Variants in TUBA1C observed in about 807,000 individuals in gnomAD.
TUBA1C encodes tubulin alpha-1C chain.
TUBA1C carries 16 observed loss-of-function variants against 34.9 expected under a neutral mutation model. That is an observed-to-expected ratio of 0.46 (90% CI 0.31 to 0.70). The LOEUF is 0.70. Ranked by LOEUF, TUBA1C falls within the 30% of genes least tolerant of loss-of-function variation. TUBA1C has a pLI of 0.05. For missense variants in TUBA1C, 329 were observed against 587.3 expected, an observed-to-expected ratio of 0.56 and a Z score of 4.55; for synonymous variants, 177 against 215.9, an observed-to-expected ratio of 0.82 and a Z score of 1.58.
chr12:49,265,820 G>A (rs1446806722), intron 1 of TUBA1C, among the ~76,000 whole-genome samples: 5 of 152,174 alleles, frequency 3.3e-5, no homozygotes, highest in Admixed American at 2.6e-4. Context: ...TTCTACTTAA[G>A]CCGGGTTTAA....
At chr12:49,247,722 CGG>C (rs2136999499) in intron 1 of TUBA1C, among the ~76,000 whole-genome samples, 1 of 151,966 alleles carries the variant, frequency 6.6e-6, no homozygotes, top group African/African-American at 2.4e-5. Flanking sequence ...CCAAGGCAGG[CGG>C]ATCACGAGGT....
chr12:49,258,643 C>T (rs1942811088), intron 1 of TUBA1C, among the ~76,000 whole-genome samples: 1 of 151,148 alleles, frequency 6.6e-6, no homozygotes, highest in South Asian at 2.1e-4. Flanking sequence ...GGTCAGGCTG[C>T]TCTCGAACCC....
rs1942960070 is a variant in TUBA1C at position 49,269,525 on chromosome 12, G to T, written c.64G>T (p.Glu22Ter). 2 of 1,614,104 alleles carry T rather than the reference G, an allele frequency of 1.2e-6. No homozygotes were observed. The highest frequency in any genetic ancestry group is 1.7e-6 in the Non-Finnish European group (2 of 1,180,046). Residue 22 changes from glutamate (E) to a stop codon, truncating the protein, a stop_gained, in exon 2 of 4, where the codon GAG (glutamate) becomes TAG (stop). Transcript: ENST00000301072. LOFTEE classifies it high-confidence loss of function. ...TGTCCAGATTGGCAATGCCTGCTGGGAGCTCTACTGCCTGGAACACGGCAT... is the reference window on the plus strand; with the variant it reads ...TGTCCAGATTGGCAATGCCTGCTGGTAGCTCTACTGCCTGGAACACGGCAT... ...AGVQIGNACW[E>*]LYCLEHGIQP...
chr12:49,261,224 C>A (rs947969390), upstream of TUBA1C, among the ~76,000 whole-genome samples: 7 of 149,836 alleles, frequency 4.7e-5, no homozygotes, highest in Non-Finnish European at 1.0e-4. Flanking sequence ...AGCGAGACAC[C>A]GTCTCAAAAA....
At chr12:49,236,543 T>C (rs1942556807) in intron 1 of TUBA1C, among the ~76,000 whole-genome samples, 2 of 152,252 alleles carry the variant, frequency 1.3e-5, no homozygotes, top group South Asian at 4.1e-4. Context: ...ATCAACAGTA[T>C]AGCCTACTGA....
chr12:49,267,401 A>G (rs1329467545), intron 1 of TUBA1C, among the ~76,000 whole-genome samples: 2 of 152,060 alleles, frequency 1.3e-5, no homozygotes, highest in Non-Finnish European at 1.5e-5. Flanking sequence ...GCTCCCGCCT[A>G]TAATCCCAGC....
At position 49,269,818 on chromosome 12, in the gene TUBA1C, T is replaced by C. The variant is rs539387985; in HGVS notation, c.227-10T>C. On this transcript the variant is annotated splice_polypyrimidine_tract_variant and intron_variant, in intron 2 of 3. Transcript: ENST00000301072. ...TGTCCCTCCTCCTCCTCCCCCATCA[T>C]GTTCTCCAGATGAAGTTCGCACTGG... The C allele has an allele frequency of 6.9e-6, 11 of 1,598,788 alleles. No homozygotes were observed. The highest frequency in any genetic ancestry group is 2.8e-5 in the African/African-American group (2 of 70,238).
chr12:49,266,071 C>T (rs573361766), intron 1 of TUBA1C, among the ~76,000 whole-genome samples: 147 of 146,294 alleles, frequency 1.0e-3, no homozygotes, highest in Non-Finnish European at 1.6e-3. Flanking sequence ...CGTAGGTTTC[C>T]CTGAGCCGAG....
At chr12:49,242,739 C>T (rs1565640579) in intron 1 of TUBA1C, among the ~76,000 whole-genome samples, 2 of 152,092 alleles carry the variant, frequency 1.3e-5, no homozygotes, top group East Asian at 1.9e-4. Flanking sequence ...CCTCCTGCCT[C>T]GGCCTCCCAA....
chr12:49,235,951 T>A (rs1351272298), intron 1 of TUBA1C, among the ~76,000 whole-genome samples: 2 of 152,154 alleles, frequency 1.3e-5, no homozygotes, highest in Non-Finnish European at 2.9e-5. Flanking sequence ...ATGCTTTCCA[T>A]CAGTGCACAC....
intron 1 of TUBA1C, chr12:49,234,070 G>A (rs1334565938): frequency 6.6e-6 from 1 of 152,294 alleles, no homozygotes; most frequent in Non-Finnish European, 1.5e-5. Context: ...AGAGGCTCCT[G>A]TCAAATGGGT....
intron 1 of TUBA1C, among the ~76,000 whole-genome samples, chr12:49,236,940 A>G (rs1005143854): frequency 6.6e-6 from 1 of 152,214 alleles, no homozygotes; most frequent in Non-Finnish European, 1.5e-5. Context: ...CTGAAACATC[A>G]TTATGCAAAG....
At chr12:49,259,152 G>A (rs919076971) in intron 1 of TUBA1C, among the ~76,000 whole-genome samples, 1 of 152,072 alleles carries the variant, frequency 6.6e-6, no homozygotes, top group African/African-American at 2.4e-5. Flanking sequence ...TCCATTCATG[G>A]TAAGTGCCCT....
At chr12:49,238,213 A>T (rs548550194) in intron 1 of TUBA1C, among the ~76,000 whole-genome samples, 19 of 152,174 alleles carry the variant, frequency 1.2e-4, no homozygotes, top group Non-Finnish European at 2.6e-4. Flanking sequence ...AATAGGAAAT[A>T]CTGATGGCTA....
chr12:49,234,932 C>T (rs142193104), intron 1 of TUBA1C, among the ~76,000 whole-genome samples: 2,584 of 152,154 alleles, frequency 0.017, 67 homozygotes, highest in African/African-American at 0.059. Context: ...ATTCTCCTGC[C>T]TCAGACTCCC....
chr12:49,272,832 T>C lies in TUBA1C; in HGVS notation c.955T>C (p.Tyr319His). The C allele has an allele frequency of 6.2e-7, 1 of 1,614,178 alleles. No individual in the cohort carries two copies. The highest frequency in any genetic ancestry group is 8.5e-7 in the Non-Finnish European group (1 of 1,180,020). ...TAAATACATGGCTTGCTGCCTGTTA[T>C]ACCGTGGTGACGTGGTTCCCAAAGA... ...HGKYMACCLL[Y>H]RGDVVPKDVN... Residue 319 changes from tyrosine (Y) to histidine (H), a missense_variant, in exon 4 of 4, where the codon TAC becomes CAC. Physicochemically the swap from Tyr to His is moderately conservative, Grantham distance 83. Coordinates refer to ENST00000301072, the MANE Select transcript of TUBA1C (RefSeq NM_032704.5).
At chr12:49,248,100 C>A (rs1282563709) in intron 1 of TUBA1C, among the ~76,000 whole-genome samples, 1 of 151,512 alleles carries the variant, frequency 6.6e-6, no homozygotes, top group South Asian at 2.1e-4. Flanking sequence ...CATGGTGAAA[C>A]CCCATCTCTA....
At chr12:49,233,260 C>T (rs1334662440) in intron 1 of TUBA1C, 1 of 152,248 alleles carries the variant, frequency 6.6e-6, no homozygotes. Flanking sequence ...TCGCCTCTCC[C>T]TGAAGGACAC....
chr12:49,229,714 G>A (rs537443582), intron 1 of TUBA1C, among the ~76,000 whole-genome samples: 23 of 151,914 alleles, frequency 1.5e-4, no homozygotes, highest in African/African-American at 4.8e-4. Flanking sequence ...ACATTGTTTT[G>A]TGTGACTTTT....
Sources: gnomAD v4.1 joint callset for allele counts (sites outside exome capture counted in the v4.1 genomes callset) on GRCh38, gnomAD v4.1.1 for gene constraint, MANE v1.5 for transcripts, NCBI Gene and HGNC (gene_info 2026-07-23, HGNC 2026-07-21) for gene names.